GNB5: variants seen among roughly 807,000 people sequenced by gnomAD.
GNB5 encodes G protein subunit beta 5.
Under a neutral mutation model 55.3 loss-of-function variants are expected in GNB5, and 37 were observed. The ratio of observed to expected loss-of-function variants is 0.67; its 90% CI spans 0.51 to 0.88. The LOEUF (loss-of-function observed/expected upper bound fraction) is 0.88. GNB5 is among the 40% of genes least tolerant of loss of function. The pLI, the probability that GNB5 is intolerant of heterozygous loss-of-function variation, is 0.00. For missense variants in GNB5, 476 were observed against 515.3 expected, an observed-to-expected ratio of 0.92 and a Z score of 0.74; for synonymous variants, 219 against 198.5, an observed-to-expected ratio of 1.10 and a Z score of -0.87.
intron 3 of GNB5, among the ~76,000 whole-genome samples, chr15:52,177,658 A>G (rs2034677999): frequency 6.6e-6 from 1 of 151,918 alleles, no homozygotes; most frequent in South Asian, 2.1e-4. Flanking sequence ...GTCAAAAAAA[A>G]AAAAAAAAGA....
chr15:52,149,278 T>C (rs578012112), intron 5 of GNB5: 35 of 153,832 alleles, frequency 2.3e-4, no homozygotes, highest in Admixed American at 9.1e-4. Flanking sequence ...GGAATTCTTA[T>C]TTAATACACA....
At chr15:52,147,877 C>A (rs545110330) in intron 5 of GNB5, among the ~76,000 whole-genome samples, 1 of 152,200 alleles carries the variant, frequency 6.6e-6, no homozygotes, top group South Asian at 2.1e-4. Flanking sequence ...GCCCCCATGC[C>A]CAGCCACAAA....
Position 52,179,885 on chromosome 15 carries a change from C to T in GNB5, c.127-6G>A, listed in dbSNP as rs923741644. Reference sequence around the variant, plus strand: ...TGCAGCCCCTCGGTTGCCATCTTCGCGCGGGGACGCAGCGGAGAGGGAAGC... The same window carrying T: ...TGCAGCCCCTCGGTTGCCATCTTCGTGCGGGGACGCAGCGGAGAGGGAAGC... On this transcript the variant is annotated splice_region_variant and splice_polypyrimidine_tract_variant and intron_variant, in intron 2 of 12. Coordinates refer to ENST00000261837, the MANE Select transcript of GNB5 (RefSeq NM_016194.4). 12 of 1,528,228 alleles carry T rather than the reference C, an allele frequency of 7.9e-6. No individual in the cohort carries two copies. The highest frequency in any genetic ancestry group is 5.7e-5 in the African/African-American group (4 of 69,680). The allele number at this position is 1,528,228 out of a possible 1,614,324, so 94.7% of individuals were successfully genotyped here. A position where few individuals can be genotyped will look rare whatever the true frequency, so the allele number is the denominator to read the frequency against.
chr15:52,176,729 C>T (rs1758698525), intron 3 of GNB5, among the ~76,000 whole-genome samples: 1 of 152,020 alleles, frequency 6.6e-6, no homozygotes, highest in African/African-American at 2.4e-5. Flanking sequence ...ACCTCTCACA[C>T]TTCATTTCCC....
intron 1 of GNB5, among the ~76,000 whole-genome samples, chr15:52,187,751 C>G (rs1271613107): frequency 6.6e-6 from 1 of 152,046 alleles, no homozygotes; most frequent in Non-Finnish European, 1.5e-5. Flanking sequence ...GAATTTGAGA[C>G]CAGCCTGGCC....
rs2033263715 is a variant in GNB5 at position 52,121,423 on chromosome 15, A to G, written c.*1334T>C. ...ATCTACATCTTACAAAAAAACAAAA[A>G]AAGGAAAAGAAGGGATCCTATAACA... On this transcript the variant is annotated 3_prime_UTR_variant, in exon 13 of 13. Transcript: ENST00000261837. 1 of 152,200 alleles carries G rather than the reference A, an allele frequency of 6.6e-6. No individual in the cohort carries two copies. Among genetic ancestry groups the G allele is most frequent in the East Asian group, 1.9e-4 (1 of 5,200 alleles). 9.4% of individuals were successfully genotyped at this position (152,200 alleles called of 1,614,324 possible). A position where few individuals can be genotyped will look rare whatever the true frequency, so the allele number is the denominator to read the frequency against.
chr15:52,162,327 A>G lies in GNB5; in HGVS notation c.239-8251T>C, dbSNP rs369538471. ...GGAATACTTTTGTTATTTATTTTATAATCTGTGCATACATGAACTGAAAGC... is the reference window on the plus strand; with the variant it reads ...GGAATACTTTTGTTATTTATTTTATGATCTGTGCATACATGAACTGAAAGC... On this transcript the variant is annotated intron_variant, in intron 3 of 12. Coordinates refer to ENST00000261837, the MANE Select transcript of GNB5 (RefSeq NM_016194.4). 4.4e-3 allele frequency among the ~76,000 whole-genome samples: 665 copies of G among 152,338 alleles called. 4 individuals are homozygous for G. The highest frequency in any genetic ancestry group is 0.016 in the African/African-American group (652 of 41,578).
chr15:52,148,022 C>T (rs1365640079), intron 5 of GNB5, among the ~76,000 whole-genome samples: 2 of 150,078 alleles, frequency 1.3e-5, no homozygotes, highest in African/African-American at 4.9e-5. Context: ...AACTTGATGT[C>T]ACATATTCGA....
At position 52,121,479 on chromosome 15, in the gene GNB5, T is replaced by C. The variant is rs2033264988; in HGVS notation, c.*1278A>G. 2.0e-5 allele frequency: 3 copies of C among 151,490 alleles called. No individual in the cohort carries two copies. Among genetic ancestry groups the C allele is most frequent in the Admixed American group, 2.0e-4 (3 of 15,174 alleles). The allele number at this position is 151,490 out of a possible 1,614,324, so 9.4% of individuals were successfully genotyped here. A position where few individuals can be genotyped will look rare whatever the true frequency, so the allele number is the denominator to read the frequency against. On this transcript the variant is annotated 3_prime_UTR_variant, in exon 13 of 13. Transcript: ENST00000261837. The stretch of plus-strand genomic sequence containing the variant: ...CACTTCCTTCTTCTAGAAGGAATTC[T>C]GAGTCTCAAATAAAGAGAAGATCTT...
chr15:52,182,658 G>T (rs2034788624), intron 2 of GNB5, among the ~76,000 whole-genome samples: 2 of 152,126 alleles, frequency 1.3e-5, no homozygotes, highest in Admixed American at 1.3e-4. Context: ...CACAAAAAGG[G>T]CCCAATGGGG....
chr15:52,164,308 T>TAAAAAAAA (rs56029917), intron 3 of GNB5, among the ~76,000 whole-genome samples: 46 of 50,430 alleles, frequency 9.1e-4, no homozygotes, highest in African/African-American at 3.0e-3. Context: ...GACTCTGTCT[T>TAAAAAAAA]AAAAAAAAAA....
At chr15:52,179,398 C>A (rs937334381) in intron 3 of GNB5, among the ~76,000 whole-genome samples, 2 of 152,194 alleles carry the variant, frequency 1.3e-5, no homozygotes, top group African/African-American at 2.4e-5. Context: ...CCTACACGGG[C>A]TCGCCGCGCT....
intron 3 of GNB5, among the ~76,000 whole-genome samples, chr15:52,168,769 GAC>G (rs1201690790): frequency 6.6e-6 from 1 of 152,122 alleles, no homozygotes. Flanking sequence ...TACAAAAACA[GAC>G]ACACAGACCA....
In GNB5 at chr15:52,117,414, GAT is replaced by G. The variant is rs981566975; in HGVS notation, c.*5341_*5342del. 1 of 151,998 alleles carries G rather than the reference GAT, an allele frequency of 6.6e-6. No individual in the cohort carries two copies. The highest frequency in any genetic ancestry group is 2.4e-5 in the African/African-American group (1 of 41,322). The allele number at this position is 151,998 out of a possible 1,614,324, so 9.4% of individuals were successfully genotyped here. A position where few individuals can be genotyped will look rare whatever the true frequency, so the allele number is the denominator to read the frequency against. On this transcript the variant is annotated 3_prime_UTR_variant, in exon 13 of 13. Coordinates refer to ENST00000261837, the MANE Select transcript of GNB5 (RefSeq NM_016194.4). ...AAATACACAGTAAATTATTGTTAGC[GAT>G]AGTCACCCTACAGTGCCGCCAAACA... is the stretch of plus-strand genomic sequence containing the variant.
At chr15:52,165,114 A>G (rs1459960268) in intron 3 of GNB5, among the ~76,000 whole-genome samples, 2 of 152,210 alleles carry the variant, frequency 1.3e-5, no homozygotes, top group Admixed American at 1.3e-4. Flanking sequence ...ACAATCTCAG[A>G]GCTTGAAGAC....
In GNB5 at chr15:52,117,102, A is replaced by ATATATATATATTTTTTTTTTTT; in HGVS notation, c.*5654_*5655insAAAAAAAAAAAATATATATATA. 9 of 87,098 alleles carry ATATATATATATTTTTTTTTTTT rather than the reference A, an allele frequency of 1.0e-4. No individual in the cohort carries two copies. The highest frequency in any genetic ancestry group is 4.3e-4 in the African/African-American group (7 of 16,446). 5.4% of individuals were successfully genotyped at this position (87,098 alleles called of 1,614,324 possible). A position where few individuals can be genotyped will look rare whatever the true frequency, so the allele number is the denominator to read the frequency against. On this transcript the variant is annotated 3_prime_UTR_variant, in exon 13 of 13. Coordinates refer to ENST00000261837, the MANE Select transcript of GNB5 (RefSeq NM_016194.4). ...CCACGCCCAGCTAATATATATATATATTTTTTTTTAGTACAGACAGGGTTT... is the reference window on the plus strand; with the variant it reads ...CCACGCCCAGCTAATATATATATATATATATATATATTTTTTTTTTTTTTTTTTTTTAGTACAGACAGGGTTT...
Position 52,117,102 on chromosome 15 carries a change from A to ATATATATATATTTTTTTTTTTTTTTTTT in GNB5, c.*5654_*5655insAAAAAAAAAAAAAAAAAATATATATATA. On this transcript the variant is annotated 3_prime_UTR_variant, in exon 13 of 13. Coordinates refer to ENST00000261837, the MANE Select transcript of GNB5 (RefSeq NM_016194.4). ...CCACGCCCAGCTAATATATATATAT[A>ATATATATATATTTTTTTTTTTTTTTTTT]TTTTTTTTTAGTACAGACAGGGTTT... The ATATATATATATTTTTTTTTTTTTTTTTT allele has an allele frequency of 1.1e-5, 1 of 87,102 alleles. No homozygotes were observed. Among genetic ancestry groups the ATATATATATATTTTTTTTTTTTTTTTTT allele is most frequent in the African/African-American group, 6.1e-5 (1 of 16,420 alleles). 5.4% of individuals were successfully genotyped at this position (87,102 alleles called of 1,614,324 possible). A position where few individuals can be genotyped will look rare whatever the true frequency, so the allele number is the denominator to read the frequency against.
intron 1 of GNB5, among the ~76,000 whole-genome samples, chr15:52,186,318 A>G (rs1203232717): frequency 3.9e-5 from 6 of 152,198 alleles, no homozygotes; most frequent in African/African-American, 1.2e-4. Context: ...ATAATGTCCA[A>G]GGTTACTTGG....
intron 12 of GNB5, among the ~76,000 whole-genome samples, chr15:52,123,326 C>T (rs1196957900): frequency 6.6e-6 from 1 of 151,930 alleles, no homozygotes; most frequent in South Asian, 2.1e-4. Flanking sequence ...CGAAACCCTC[C>T]CCCACCCCTG....
Sources: allele counts gnomAD v4.1 joint callset (sites outside exome capture counted in the v4.1 genomes callset), GRCh38; gene constraint gnomAD v4.1.1; transcripts MANE v1.5; gene names NCBI Gene and HGNC (gene_info 2026-07-23, HGNC 2026-07-21).